XKR5: variants seen among roughly 807,000 people sequenced by gnomAD.
XKR5 encodes XK related 5.
XKR5 carries 46 observed loss-of-function variants against 40.8 expected under a neutral mutation model. That is an observed-to-expected ratio of 1.13 (90% confidence interval 0.89 to 1.44). XKR5 has a LOEUF of 1.44. XKR5 is among the 40% of genes most tolerant of loss of function. XKR5 has a pLI of 0.00. For missense variants in XKR5, 1,169 were observed against 844.7 expected, an observed-to-expected ratio of 1.38 and a Z score of -4.76; for synonymous variants, 466 against 356.1, an observed-to-expected ratio of 1.31 and a Z score of -3.48.
chr8:6,820,517 G>A lies in XKR5; in HGVS notation c.807+1352C>T, dbSNP rs189647375. Among the ~76,000 whole-genome samples, 1,095 of 152,244 alleles carry A rather than the reference G, an allele frequency of 7.2e-3. 11 individuals carry two copies. The highest frequency in any genetic ancestry group is 0.011 in the Non-Finnish European group (769 of 67,998). On this transcript the variant is annotated intron_variant, in intron 5 of 6. Transcript: ENST00000618742. ...TCCTTATTGAGCTCCTGCTTATCTG[G>A]GCATTGGCAGGCGGGGTGTCCACCT...
intron 2 of XKR5, among the ~76,000 whole-genome samples, chr8:6,831,494 G>C (rs1218708566): frequency 1.3e-5 from 2 of 152,100 alleles, no homozygotes; most frequent in Non-Finnish European, 1.5e-5. Flanking sequence ...ACTCTGGGCG[G>C]GACGGCACCA....
chr8:6,813,223 C>T (rs1025348897), intron 6 of XKR5, among the ~76,000 whole-genome samples: 2 of 152,174 alleles, frequency 1.3e-5, no homozygotes, highest in Non-Finnish European at 2.9e-5. Context: ...CAGGCTCCAA[C>T]CTTGGAAAGG....
At chr8:6,830,257 C>G (rs77862853) in intron 2 of XKR5, among the ~76,000 whole-genome samples, 2,758 of 152,274 alleles carry the variant, frequency 0.018, 76 homozygotes, top group African/African-American at 0.061. Flanking sequence ...CAAAATTGTG[C>G]CAAACGCAAT....
At position 6,831,206 on chromosome 8, in the gene XKR5, G is replaced by A. The variant is rs140087424; in HGVS notation, c.242+1511C>T. 6.1e-3 allele frequency among the ~76,000 whole-genome samples: 934 copies of A among 152,124 alleles called. 10 individuals are homozygous for A. Among genetic ancestry groups the A allele is most frequent in the South Asian group, 0.013 (61 of 4,816 alleles). ...GGCTGGGCCGATCAGGGAAGGAGAC[G>A]ACAATGGCAGCTAGGGCACAGGAGA... On this transcript the variant is annotated intron_variant, in intron 2 of 6. Coordinates refer to ENST00000618742, the MANE Select transcript of XKR5 (RefSeq NM_207411.5).
chr8:6,823,546 G>C lies in XKR5; in HGVS notation c.612C>G (p.Tyr204Ter), dbSNP rs571179690. ...CTGCAACCACAAAAACCCAAAAGTGGTAGGCTTTGTAGAACAGAACCAGAC... is the reference window on the plus strand; with the variant it reads ...CTGCAACCACAAAAACCCAAAAGTGCTAGGCTTTGTAGAACAGAACCAGAC... ...VLSLVLFYKA[Y>*]HFWVFVVAGA... is the part of the protein sequence containing the mutation. Residue 204 changes from tyrosine (Y) to a stop codon, truncating the protein, a stop_gained, in exon 4 of 7, where the codon TAC becomes TAG. Coordinates refer to ENST00000618742, the MANE Select transcript of XKR5 (RefSeq NM_207411.5). LOFTEE classifies it high-confidence loss of function. 1.3e-5 allele frequency: 20 copies of C among 1,592,336 alleles called. No individual in the cohort carries two copies. The African/African-American group carries it at 2.3e-4, about 18-fold the overall frequency.
At chr8:6,835,054 A>G (rs994467908) in intron 1 of XKR5, among the ~76,000 whole-genome samples, 1 of 152,064 alleles carries the variant, frequency 6.6e-6, no homozygotes, top group Non-Finnish European at 1.5e-5. Flanking sequence ...ACATCTTGGC[A>G]TCGCAGCACT....
chr8:6,810,981 A>G lies in XKR5; in HGVS notation c.*217T>C, dbSNP rs963338493. The G allele has an allele frequency of 2.2e-5, 11 of 496,730 alleles. No individual in the cohort carries two copies. Among genetic ancestry groups the G allele is most frequent in the African/African-American group, 1.9e-4 (10 of 51,452 alleles). 30.8% of individuals were successfully genotyped at this position (496,730 alleles called of 1,614,324 possible). Reference sequence around the variant, plus strand: ...TTTCTCCTCCTCTAAAGTATGTTAGAGTCTCTCCTATGCATGGGTGGGGTC... The same window carrying G: ...TTTCTCCTCCTCTAAAGTATGTTAGGGTCTCTCCTATGCATGGGTGGGGTC... On this transcript the variant is annotated 3_prime_UTR_variant, in exon 7 of 7. Transcript: ENST00000618742.
intron 2 of XKR5, among the ~76,000 whole-genome samples, chr8:6,827,547 T>C (rs1804566218): frequency 6.6e-6 from 1 of 152,250 alleles, no homozygotes; most frequent in Non-Finnish European, 1.5e-5. Context: ...TCCTTTTTCA[T>C]GATTTGGAAT....
chr8:6,835,286 G>T, intron 1 of XKR5, 150 bp downstream of exon 1: 1 of 711,230 alleles, frequency 1.4e-6, no homozygotes, highest in Non-Finnish European at 2.1e-6. Context: ...TCTGCAGGTG[G>T]GATGGCCACC....
chr8:6,832,992 T>G, intron 1 of XKR5, 92 bp from the exon 2 acceptor site: 6 of 1,197,894 alleles, frequency 5.0e-6, no homozygotes, highest in Non-Finnish European at 6.8e-6. Flanking sequence ...TTTCTGGATG[T>G]TATGATGTTC....
In XKR5 at chr8:6,811,874, G is replaced by C; in HGVS notation, c.1385C>G (p.Pro462Arg). Residue 462 changes from proline (P) to arginine (R), a missense_variant, in exon 7 of 7, where the codon CCC becomes CGC. Transcript: ENST00000618742. ...QQELPSSSRD[P>R]STLENSSAFE... The stretch of plus-strand genomic sequence containing the variant: ...CGCAGAGCTGTTCTCTAAGGTTGAG[G>C]GGTCACGGGATGAGGATGGGAGCTC... The C allele has an allele frequency of 6.5e-7, 1 of 1,537,550 alleles. No individual in the cohort carries two copies. Among genetic ancestry groups the C allele is most frequent in the Non-Finnish European group, 8.7e-7 (1 of 1,146,992 alleles).
chr8:6,813,534 G>A (rs545796070), intron 6 of XKR5, among the ~76,000 whole-genome samples: 5 of 152,334 alleles, frequency 3.3e-5, no homozygotes, highest in East Asian at 1.9e-4. Context: ...GGAAGGAAAA[G>A]GGGAGGAGCC....
At chr8:6,823,806 G>T in intron 3 of XKR5, 76 bp from the exon 4 acceptor site, 1 of 1,288,630 alleles carries the variant, frequency 7.8e-7, no homozygotes, top group Non-Finnish European at 1.1e-6. Flanking sequence ...TTCACTCATG[G>T]CATTTCTTTA....
chr8:6,813,546 G>A (rs950993424), intron 6 of XKR5, among the ~76,000 whole-genome samples: 1 of 152,216 alleles, frequency 6.6e-6, no homozygotes, highest in African/African-American at 2.4e-5. Context: ...GGAGGAGCCT[G>A]GATGCAAGCT....
chr8:6,816,897 A>T (rs1013829154), intron 5 of XKR5, among the ~76,000 whole-genome samples: 7 of 151,962 alleles, frequency 4.6e-5, no homozygotes, highest in African/African-American at 1.7e-4. Context: ...GGAGAGAAAT[A>T]AAAAAAATTA....
At chr8:6,831,121 C>A (rs1241358578) in intron 2 of XKR5, among the ~76,000 whole-genome samples, 1 of 152,220 alleles carries the variant, frequency 6.6e-6, no homozygotes, top group Non-Finnish European at 1.5e-5. Context: ...AGGGCTCATG[C>A]CTTACGACTG....
intron 2 of XKR5, 59 bp from the exon 3 acceptor site, chr8:6,825,408 C>A (rs117693016): frequency 6.9e-7 from 1 of 1,442,528 alleles, no homozygotes; most frequent in Non-Finnish European, 9.1e-7. Context: ...TTCAATAGGA[C>A]GAGCTTTCAT....
At chr8:6,825,844 C>A (rs576208677) in intron 2 of XKR5, among the ~76,000 whole-genome samples, 1 of 152,308 alleles carries the variant, frequency 6.6e-6, no homozygotes, top group African/African-American at 2.4e-5. Context: ...AACTGGGGCA[C>A]ATGAAGAGCA....
At chr8:6,822,126 CT>C (rs2061058945) in intron 4 of XKR5, 88 bp from the exon 5 acceptor site, 30 of 1,339,510 alleles carry the variant, frequency 2.2e-5, no homozygotes, top group Non-Finnish European at 2.9e-5. Context: ...CTGGAAGGCT[CT>C]CCGACCACAT....
Sources: gnomAD v4.1 joint callset for allele counts (sites outside exome capture counted in the v4.1 genomes callset) on GRCh38, gnomAD v4.1.1 for gene constraint, MANE v1.5 for transcripts, NCBI Gene and HGNC (gene_info 2026-07-23, HGNC 2026-07-21) for gene names.